NINL: variants seen among roughly 807,000 people sequenced by gnomAD.
NINL encodes ninein like.
Under a neutral mutation model 160.3 loss-of-function variants are expected in NINL, and 153 were observed. The observed-to-expected ratio is 0.95, with a 90% CI of 0.84 to 1.09. NINL has a LOEUF of 1.09. Among genes scored for constraint, NINL ranks in the 50% least tolerant of loss-of-function variants. The probability of loss-of-function intolerance (pLI) is 0.00; values close to 1 mark genes in which losing one functional copy is unlikely to be tolerated. For missense variants in NINL, 1,829 were observed against 1,764.0 expected (o/e 1.04, Z -0.66); for synonymous variants, 800 against 734.8 (o/e 1.09, Z -1.43).
At chr20:25,525,867 T>C (rs893479871) in intron 2 of NINL, among the ~76,000 whole-genome samples, 6 of 152,172 alleles carry the variant, frequency 3.9e-5, no homozygotes, top group Admixed American at 6.5e-5. Context: ...GACCTTCTGA[T>C]AGAAAAGAAC....
At chr20:25,462,810 A>C (rs1024241930) in intron 19 of NINL, 1 of 307,534 alleles carries the variant, frequency 3.3e-6, no homozygotes, top group Non-Finnish European at 6.1e-6. Flanking sequence ...ACACGTCACC[A>C]CTCCCACCTA....
At chr20:25,457,612 C>T (rs1218819991) in intron 22 of NINL, among the ~76,000 whole-genome samples, 1 of 152,218 alleles carries the variant, frequency 6.6e-6, no homozygotes, top group African/African-American at 2.4e-5. Flanking sequence ...TTACAAACAT[C>T]AAATGTTACC....
intron 1 of NINL, among the ~76,000 whole-genome samples, chr20:25,576,628 T>C (rs1438069676): frequency 6.7e-6 from 1 of 148,554 alleles, no homozygotes; most frequent in African/African-American, 2.6e-5. Context: ...CTAGCTAATT[T>C]TTCATTTTTT....
chr20:25,573,506 C>G (rs911036532), intron 1 of NINL, among the ~76,000 whole-genome samples: 1 of 152,142 alleles, frequency 6.6e-6, no homozygotes, highest in Non-Finnish European at 1.5e-5. Flanking sequence ...CAGACTCTGA[C>G]AGAGGCCTGA....
At chr20:25,504,130 G>C (rs1286455993) in intron 6 of NINL, 26 bp from the exon 7 acceptor site, 1 of 1,541,186 alleles carries the variant, frequency 6.5e-7, no homozygotes, top group African/African-American at 1.4e-5. Context: ...CATATCTCAG[G>C]CCCACCCACA....
chr20:25,565,573 T>C (rs751518758), intron 1 of NINL, among the ~76,000 whole-genome samples: 11 of 152,210 alleles, frequency 7.2e-5, no homozygotes, highest in Non-Finnish European at 1.3e-4. Flanking sequence ...AGGGCTGTAG[T>C]ATAATCACAG....
At chr20:25,568,687 A>G (rs2065020946) in intron 1 of NINL, among the ~76,000 whole-genome samples, 1 of 152,094 alleles carries the variant, frequency 6.6e-6, no homozygotes, top group Non-Finnish European at 1.5e-5. Context: ...CTGGGATTAC[A>G]GGAGTAAGCC....
chr20:25,540,163 A>C, intron 1 of NINL: 5 of 581,018 alleles, frequency 8.6e-6, no homozygotes, highest in Non-Finnish European at 1.4e-5. Context: ...TGGCTACAAA[A>C]TTGAGGGCAA....
At chr20:25,517,517 A>G (rs2064182390) in intron 3 of NINL, among the ~76,000 whole-genome samples, 1 of 152,214 alleles carries the variant, frequency 6.6e-6, no homozygotes, top group Non-Finnish European at 1.5e-5. Context: ...ACATTAGCAC[A>G]GTGCAGTGTC....
intron 1 of NINL, among the ~76,000 whole-genome samples, chr20:25,570,513 C>T (rs1326642761): frequency 3.3e-5 from 5 of 152,084 alleles, no homozygotes; most frequent in African/African-American, 1.2e-4. Flanking sequence ...CTGAGGCCTC[C>T]CCAGCAGCAG....
chr20:25,519,096 C>CA (rs60327668), intron 2 of NINL, among the ~76,000 whole-genome samples: 42,938 of 91,324 alleles, frequency 0.47, 9,120 homozygotes, highest in East Asian at 0.89. Flanking sequence ...GACTCTGTCT[C>CA]AAAAAAAAAA....
intron 1 of NINL, among the ~76,000 whole-genome samples, chr20:25,578,753 C>T: frequency 7.2e-6 from 1 of 138,856 alleles, no homozygotes; most frequent in African/African-American, 2.7e-5. Flanking sequence ...AGATCGCCCA[C>T]TACCACTCTA....
At chr20:25,480,427 A>C (rs1051581723) in intron 14 of NINL, among the ~76,000 whole-genome samples, 160 bp from the exon 15 acceptor site, 2 of 152,204 alleles carry the variant, frequency 1.3e-5, no homozygotes, top group African/African-American at 4.8e-5. Context: ...TCGTCAGTAC[A>C]TAGCATTCCG....
At chr20:25,504,704 G>A (rs1601172003) in intron 6 of NINL, among the ~76,000 whole-genome samples, 184 bp downstream of exon 6, 2 of 152,240 alleles carry the variant, frequency 1.3e-5, no homozygotes, top group African/African-American at 2.4e-5. Flanking sequence ...CATCAGAGAC[G>A]GGCTTTCAAA....
chr20:25,525,880 T>C (rs2064349358), intron 2 of NINL, among the ~76,000 whole-genome samples: 1 of 152,198 alleles, frequency 6.6e-6, no homozygotes, highest in South Asian at 2.1e-4. Context: ...AAAAGAACCC[T>C]CTAATTTCAC....
At chr20:25,494,005 A>G (rs1222948866) in intron 10 of NINL, among the ~76,000 whole-genome samples, 1 of 151,984 alleles carries the variant, frequency 6.6e-6, no homozygotes, top group African/African-American at 2.4e-5. Context: ...CACCACAGCC[A>G]CAGGAGCCAG....
At chr20:25,569,977 G>C (rs917766807) in intron 1 of NINL, among the ~76,000 whole-genome samples, 5 of 151,888 alleles carry the variant, frequency 3.3e-5, no homozygotes, top group African/African-American at 9.7e-5. Flanking sequence ...TCAGAAGATG[G>C]AGGCCAGCCT....
At chr20:25,575,634 C>A (rs955267105) in intron 1 of NINL, among the ~76,000 whole-genome samples, 2 of 151,710 alleles carry the variant, frequency 1.3e-5, no homozygotes, top group Non-Finnish European at 2.9e-5. Flanking sequence ...GCCTGTAATC[C>A]CAGTTACTCA....
intron 1 of NINL, among the ~76,000 whole-genome samples, chr20:25,562,111 C>T (rs1230117820): frequency 3.4e-5 from 5 of 147,438 alleles, no homozygotes; most frequent in Admixed American, 2.7e-4. Flanking sequence ...CCGCCCCGTC[C>T]GGGAGGGAGG....
Sources: allele counts gnomAD v4.1 joint callset (sites outside exome capture counted in the v4.1 genomes callset), GRCh38; gene constraint gnomAD v4.1.1; transcripts MANE v1.5; gene names NCBI Gene and HGNC (gene_info 2026-07-23, HGNC 2026-07-21).